NDST3: variants seen among roughly 807,000 people sequenced by gnomAD.
The protein encoded by NDST3 is N-deacetylase and N-sulfotransferase 3, also known as bifunctional heparan sulfate N-deacetylase/N-sulfotransferase 3.
A neutral mutation model predicts 96.1 loss-of-function variants in NDST3; 58 were observed. That is an observed-to-expected ratio of 0.60 (90% CI 0.49 to 0.75). The LOEUF (loss-of-function observed/expected upper bound fraction) is 0.75. NDST3 is among the 30% of genes least tolerant of loss of function. NDST3 has a pLI of 0.00. For synonymous variants in NDST3, 333 were observed against 359.7 expected, an observed-to-expected ratio of 0.93 and a Z score of 0.84; for missense variants, 788 against 1,034.2, an observed-to-expected ratio of 0.76 and a Z score of 3.27.
chr4:118,053,858 T>A lies in NDST3; in HGVS notation c.-53T>A. On this transcript the variant is annotated 5_prime_UTR_variant, in exon 2 of 14. Coordinates refer to ENST00000296499, the MANE Select transcript of NDST3 (RefSeq NM_004784.3). ...AAAGTAGCTGGAACACCATCTTTTC[T>A]TTTAACTTTTTATGGTGCTTCTGTT... The A allele has an allele frequency of 6.6e-7, 1 of 1,521,028 alleles. No individual in the cohort carries two copies. Among genetic ancestry groups the A allele is most frequent in the Non-Finnish European group, 8.8e-7 (1 of 1,138,792 alleles). The allele number at this position is 1,521,028 out of a possible 1,614,324, so 94.2% of individuals were successfully genotyped here.
chr4:118,250,448 C>CCATTCATATGTGTT (rs1741618344), intron 12 of NDST3, among the ~76,000 whole-genome samples: 1 of 151,480 alleles, frequency 6.6e-6, no homozygotes, highest in South Asian at 2.1e-4. Context: ...TGTTCATTGA[C>CCATTCATATGTGTT]CATTCATATG....
intron 6 of NDST3, among the ~76,000 whole-genome samples, chr4:118,167,152 A>G (rs1735607382): frequency 6.6e-6 from 1 of 151,862 alleles, no homozygotes; most frequent in African/African-American, 2.4e-5. Context: ...AAGATTTCAC[A>G]CAGAAACATA....
intron 6 of NDST3, among the ~76,000 whole-genome samples, chr4:118,152,792 G>C (rs1006164857): frequency 1.3e-5 from 2 of 152,050 alleles, no homozygotes; most frequent in African/African-American, 4.8e-5. Context: ...CTTACAAATG[G>C]CCCAATATGA....
At chr4:118,064,625 T>C (rs1449566550) in intron 2 of NDST3, among the ~76,000 whole-genome samples, 1 of 152,168 alleles carries the variant, frequency 6.6e-6, no homozygotes, top group Admixed American at 6.6e-5. Flanking sequence ...TTAATATTAA[T>C]AGTTATAATG....
intron 2 of NDST3, among the ~76,000 whole-genome samples, chr4:118,082,157 G>A (rs1038620937): frequency 6.6e-6 from 1 of 152,036 alleles, no homozygotes; most frequent in Non-Finnish European, 1.5e-5. Flanking sequence ...TATTTTTCCC[G>A]AGTATTTTTA....
At chr4:118,085,889 G>C (rs532713746) in intron 2 of NDST3, among the ~76,000 whole-genome samples, 1 of 152,068 alleles carries the variant, frequency 6.6e-6, no homozygotes, top group Admixed American at 6.6e-5. Flanking sequence ...TATGTGTTCC[G>C]CTGAGCATTT....
At chr4:118,093,025 G>A (rs1249936960) in intron 2 of NDST3, among the ~76,000 whole-genome samples, 2 of 151,290 alleles carry the variant, frequency 1.3e-5, no homozygotes, top group African/African-American at 4.9e-5. Context: ...TAGGGGCAGA[G>A]AAAATAACAG....
Position 118,054,127 on chromosome 4 carries a change from G to A in NDST3, c.217G>A (p.Ala73Thr), listed in dbSNP as rs909396329. The A allele has an allele frequency of 2.5e-6, 4 of 1,612,710 alleles. No homozygotes were observed. The highest frequency in any genetic ancestry group is 3.4e-6 in the Non-Finnish European group (4 of 1,179,326). Residue 73 changes from alanine to threonine, a missense_variant, in exon 2 of 14, where the codon GCC (alanine) becomes ACC (threonine). Around this residue, in one of 3 missense-constraint regions of NDST3, gnomAD observed 234 missense variants for 256.9 expected, o/e 0.91. Coordinates refer to ENST00000296499, the MANE Select transcript of NDST3 (RefSeq NM_004784.3). ...AGTGAAAGCAATGAAGCTTTTTGATGCCTCAAGGACAGACCCCACAGTCCT... is the reference window on the plus strand; with the variant it reads ...AGTGAAAGCAATGAAGCTTTTTGATACCTCAAGGACAGACCCCACAGTCCT... ...MEVKAMKLFD[A>T]SRTDPTVLVF...
At chr4:118,221,486 T>TC (rs1013040187) in intron 6 of NDST3, among the ~76,000 whole-genome samples, 2 of 152,042 alleles carry the variant, frequency 1.3e-5, no homozygotes, top group African/African-American at 4.8e-5. Context: ...TACTGCATTG[T>TC]CAACAGCGTT....
intron 4 of NDST3, among the ~76,000 whole-genome samples, chr4:118,122,494 CT>C (rs1173997909): frequency 1.5e-4 from 2 of 13,182 alleles, no homozygotes; most frequent in Non-Finnish European, 3.1e-3. Context: ...TCAGTTTTTT[CT>C]TTCTTTTGTA....
chr4:118,100,052 G>C (rs1729638729), intron 2 of NDST3, among the ~76,000 whole-genome samples: 1 of 151,994 alleles, frequency 6.6e-6, no homozygotes, highest in Non-Finnish European at 1.5e-5. Flanking sequence ...CTAAGCTAAG[G>C]GATGCCCATA....
intron 2 of NDST3, among the ~76,000 whole-genome samples, chr4:118,078,710 T>C (rs928682526): frequency 2.0e-5 from 3 of 150,724 alleles, no homozygotes; most frequent in South Asian, 4.2e-4. Context: ...GACTGCACCA[T>C]TGCACTCCAG....
intron 2 of NDST3, among the ~76,000 whole-genome samples, chr4:118,084,365 A>C (rs1728255908): frequency 6.6e-6 from 1 of 152,216 alleles, no homozygotes; most frequent in Admixed American, 6.5e-5. Context: ...ATTTTTAAAA[A>C]AATAGTATCC....
chr4:118,070,370 C>A (rs1726955209), intron 2 of NDST3, among the ~76,000 whole-genome samples: 1 of 152,016 alleles, frequency 6.6e-6, no homozygotes, highest in African/African-American at 2.4e-5. Context: ...CATAACAGCC[C>A]CAGTGAATGC....
At chr4:118,227,451 T>A (rs1361641949) in intron 8 of NDST3, among the ~76,000 whole-genome samples, 1 of 152,088 alleles carries the variant, frequency 6.6e-6, no homozygotes, top group African/African-American at 2.4e-5. Flanking sequence ...GACTATTTTT[T>A]AAAAGTCTAA....
At chr4:118,070,998 G>C (rs1727022856) in intron 2 of NDST3, among the ~76,000 whole-genome samples, 1 of 151,868 alleles carries the variant, frequency 6.6e-6, no homozygotes, top group African/African-American at 2.4e-5. Flanking sequence ...CCTTGCGATA[G>C]TTTGCTGAGA....
intron 6 of NDST3, chr4:118,194,601 A>T (rs1319851270): frequency 1.4e-6 from 1 of 725,440 alleles, no homozygotes; most frequent in Non-Finnish European, 2.6e-6. Flanking sequence ...ACAAAGATTC[A>T]GTCCCCAATC....
Position 118,242,152 on chromosome 4 carries a change from A to G in NDST3, c.2399+3A>G. On this transcript the variant is annotated splice_donor_region_variant and intron_variant, in intron 12 of 13. Coordinates refer to ENST00000296499, the MANE Select transcript of NDST3 (RefSeq NM_004784.3). ...TATAATTACTCAGAAGCTTTAACGT[A>G]AGTTTATATTCTAATTAGTTTATTG... The G allele has an allele frequency of 6.5e-7, 1 of 1,545,406 alleles. No individual in the cohort carries two copies. The highest frequency in any genetic ancestry group is 1.2e-5 in the South Asian group (1 of 86,878).
At chr4:118,183,665 A>T (rs763406565) in intron 6 of NDST3, among the ~76,000 whole-genome samples, 3 of 152,198 alleles carry the variant, frequency 2.0e-5, no homozygotes, top group African/African-American at 4.8e-5. Context: ...GAATGACCAA[A>T]GGTTTTTTAC....
Sources: gnomAD v4.1 joint callset for allele counts (sites outside exome capture counted in the v4.1 genomes callset) on GRCh38, gnomAD v4.1.1 for gene constraint, gnomAD v4.1.1 regional missense constraint, MANE v1.5 for transcripts, NCBI Gene and HGNC (gene_info 2026-07-23, HGNC 2026-07-21) for gene names.